GABRG1: variants seen among roughly 807,000 people sequenced by gnomAD.
GABRG1 encodes the protein gamma-aminobutyric acid type A receptor subunit gamma1, also known as gamma-aminobutyric acid receptor subunit gamma-1.
Under a neutral mutation model 49.8 loss-of-function variants are expected in GABRG1, and 49 were observed. The ratio of observed to expected loss-of-function variants is 0.98; its 90% CI spans 0.78 to 1.25. GABRG1 has a LOEUF of 1.25. GABRG1 is among the 50% of genes most tolerant of loss of function. The probability of loss-of-function intolerance (pLI) is 0.00; values close to 1 mark genes in which losing one functional copy is unlikely to be tolerated. For missense variants in GABRG1, 552 were observed against 552.3 expected (o/e 1.00, Z 0.01); for synonymous variants, 232 against 185.1 (o/e 1.25, Z -2.06).
chr4:46,060,571 T>C (rs1213335674), intron 5 of GABRG1, among the ~76,000 whole-genome samples: 3 of 152,150 alleles, frequency 2.0e-5, no homozygotes, highest in Non-Finnish European at 4.4e-5. Flanking sequence ...AACCGAAAGA[T>C]TGGTAGCACA....
intron 2 of GABRG1, among the ~76,000 whole-genome samples, chr4:46,086,584 G>A (rs185309710): frequency 3.2e-4 from 49 of 151,442 alleles, no homozygotes; most frequent in African/African-American, 1.2e-3. Context: ...TATTGTCACA[G>A]AATAGGCCTT....
At chr4:46,061,043 C>T (rs964733037) in intron 5 of GABRG1, among the ~76,000 whole-genome samples, 2 of 151,936 alleles carry the variant, frequency 1.3e-5, no homozygotes, top group African/African-American at 4.8e-5. Flanking sequence ...CTATTGACAC[C>T]CAATTAAACT....
At chr4:46,046,966 C>A (rs1419083387) in intron 8 of GABRG1, among the ~76,000 whole-genome samples, 1 of 152,052 alleles carries the variant, frequency 6.6e-6, no homozygotes, top group Non-Finnish European at 1.5e-5. Context: ...TGGCCATAAA[C>A]CACTCTTCTA....
intron 3 of GABRG1, among the ~76,000 whole-genome samples, chr4:46,079,090 T>C (rs1163263822): frequency 1.3e-5 from 2 of 151,704 alleles, no homozygotes; most frequent in African/African-American, 4.8e-5. Flanking sequence ...TTTTTCCTTT[T>C]GTAGAAAGCA....
intron 2 of GABRG1, among the ~76,000 whole-genome samples, chr4:46,087,631 T>C (rs992389084): frequency 1.3e-5 from 2 of 151,848 alleles, no homozygotes; most frequent in African/African-American, 4.8e-5. Context: ...CCTATAGTTA[T>C]TAAATGGTAG....
intron 1 of GABRG1, among the ~76,000 whole-genome samples, 178 bp downstream of exon 1, chr4:46,123,632 C>G (rs1311061428): frequency 6.6e-6 from 1 of 151,976 alleles, no homozygotes; most frequent in Non-Finnish European, 1.5e-5. Context: ...AAATATGTTA[C>G]TTTCCTTCTA....
rs1368815876 is a variant in GABRG1 at position 46,037,263 on chromosome 4, CA to C, written c.*3724del. On this transcript the variant is annotated 3_prime_UTR_variant, in exon 9 of 9. Coordinates refer to ENST00000295452, the MANE Select transcript of GABRG1 (RefSeq NM_173536.4). ...TTACCTCACTTCCGAAATGCAAACACAAAAAGTCAGAGCTGACCTTACATTA... is the reference window on the plus strand; with the variant it reads ...TTACCTCACTTCCGAAATGCAAACACAAAAGTCAGAGCTGACCTTACATTA... The C allele has an allele frequency of 1.3e-5, 2 of 151,796 alleles. No individual in the cohort carries two copies. Among genetic ancestry groups the C allele is most frequent in the Non-Finnish European group, 2.9e-5 (2 of 67,846 alleles). The allele number at this position is 151,796 out of a possible 1,614,324, so 9.4% of individuals were successfully genotyped here.
chr4:46,056,354 G>A (rs1718449890), intron 7 of GABRG1, among the ~76,000 whole-genome samples: 1 of 151,838 alleles, frequency 6.6e-6, no homozygotes. Context: ...AGGAAGATCT[G>A]GCTTCAAAAA....
chr4:46,067,808 A>G (rs1718975062), intron 3 of GABRG1, among the ~76,000 whole-genome samples: 1 of 152,172 alleles, frequency 6.6e-6, no homozygotes, highest in Admixed American at 6.6e-5. Flanking sequence ...TTTACGCTGT[A>G]GATGTTTAAT....
chr4:46,065,609 A>AT (rs1718884567), intron 3 of GABRG1, 25 bp from the exon 4 acceptor site: 1 of 1,019,852 alleles, frequency 9.8e-7, no homozygotes. Context: ...GAGTAACAAC[A>AT]TATTAGTAAA....
Position 46,040,825 on chromosome 4 carries a change from G to T in GABRG1, c.*163C>A. On this transcript the variant is annotated 3_prime_UTR_variant, in exon 9 of 9. Transcript: ENST00000295452. ...TTTCACGTAAATTAGCCTGAAAGCT[G>T]CTACTTTATTTACTTCTGAAGGCCT... 1.6e-6 allele frequency: 1 copy of T among 630,218 alleles called. No homozygotes were observed. The highest frequency in any genetic ancestry group is 2.5e-6 in the Non-Finnish European group (1 of 393,618). The allele number at this position is 630,218 out of a possible 1,614,324, so 39.0% of individuals were successfully genotyped here.
chr4:46,105,138 T>G (rs1443305534), intron 1 of GABRG1, among the ~76,000 whole-genome samples: 2 of 151,182 alleles, frequency 1.3e-5, no homozygotes, highest in African/African-American at 4.8e-5. Flanking sequence ...ACTTCGGAAA[T>G]CCAAAGCACA....
intron 5 of GABRG1, 38 bp downstream of exon 5, chr4:46,064,403 T>C: frequency 8.7e-7 from 1 of 1,148,122 alleles, no homozygotes; most frequent in Non-Finnish European, 1.2e-6. Flanking sequence ...CTTCTAAGGT[T>C]AAAATTCTAT....
At chr4:46,071,786 G>T (rs1356518451) in intron 3 of GABRG1, among the ~76,000 whole-genome samples, 1 of 151,804 alleles carries the variant, frequency 6.6e-6, no homozygotes, top group Non-Finnish European at 1.5e-5. Flanking sequence ...AAAATACTTT[G>T]TACAGTTGTA....
At chr4:46,041,316 G>T (rs1380281623) in intron 8 of GABRG1, 62 bp from the exon 9 acceptor site, 11 of 1,538,016 alleles carry the variant, frequency 7.2e-6, no homozygotes, top group Non-Finnish European at 8.0e-6. Flanking sequence ...AGATCAATTT[G>T]CTCCTTTAAC....
intron 3 of GABRG1, among the ~76,000 whole-genome samples, chr4:46,068,177 A>C (rs1718987984): frequency 6.6e-6 from 1 of 152,156 alleles, no homozygotes; most frequent in South Asian, 2.1e-4. Flanking sequence ...ATGCCCTGGA[A>C]AGAGCATTTA....
Position 46,046,024 on chromosome 4 carries a change from A to C in GABRG1, c.1132-4770T>G, listed in dbSNP as rs143464358. On this transcript the variant is annotated intron_variant, in intron 8 of 8. Coordinates refer to ENST00000295452, the MANE Select transcript of GABRG1 (RefSeq NM_173536.4). ...AAAATAATAATTACAAGAATGTAAA[A>C]TCAGAAATGGTTACAATGTAGTTGA... is the stretch of plus-strand genomic sequence containing the variant. 7.2e-3 allele frequency among the ~76,000 whole-genome samples: 1,101 copies of C among 152,244 alleles called. 11 individuals are homozygous for C. The highest frequency in any genetic ancestry group is 0.026 in the African/African-American group (1,062 of 41,562).
intron 8 of GABRG1, among the ~76,000 whole-genome samples, chr4:46,042,791 T>C (rs1717833891): frequency 1.3e-5 from 2 of 151,968 alleles, no homozygotes; most frequent in South Asian, 4.1e-4. Context: ...GATTAAAGCA[T>C]CATGCAGGTC....
chr4:46,123,748 A>T, intron 1 of GABRG1, 62 bp downstream of exon 1: 1 of 1,161,312 alleles, frequency 8.6e-7, no homozygotes, highest in Non-Finnish European at 1.3e-6. Flanking sequence ...TTTAAAAGAA[A>T]GGGGAATAAG....
Sources: allele counts gnomAD v4.1 joint callset (sites outside exome capture counted in the v4.1 genomes callset), GRCh38; gene constraint gnomAD v4.1.1; transcripts MANE v1.5; gene names NCBI Gene and HGNC (gene_info 2026-07-23, HGNC 2026-07-21).